The following CTNNA3 variants were observed in gnomAD, a reference collection of about 807,000 sequenced individuals.
CTNNA3 encodes the protein catenin alpha 3.
Under a neutral mutation model 95.7 loss-of-function variants are expected in CTNNA3, and 76 were observed. The observed-to-expected ratio is 0.79, with a 90% confidence interval of 0.66 to 0.96. The LOEUF is 0.96. Among genes scored for constraint, CTNNA3 ranks in the 40% least tolerant of loss-of-function variants. The pLI is 0.00. For missense variants in CTNNA3, 1,191 were observed against 1,089.8 expected, an observed-to-expected ratio of 1.09 and a Z score of -1.31; for synonymous variants, 431 against 374.4, an observed-to-expected ratio of 1.15 and a Z score of -1.74.
chr10:66,515,361 T>C (rs1228573625), intron 11 of CTNNA3, among the ~76,000 whole-genome samples: 1 of 143,964 alleles, frequency 6.9e-6, no homozygotes, highest in Non-Finnish European at 1.6e-5. Context: ...ATATATATAG[T>C]ATTAGTATTG....
At chr10:66,491,603 A>G (rs1181336792) in intron 11 of CTNNA3, among the ~76,000 whole-genome samples, 6 of 152,268 alleles carry the variant, frequency 3.9e-5, no homozygotes, top group Admixed American at 6.5e-5. Context: ...TTTTTATTTC[A>G]GAATCCTTTT....
At chr10:66,486,790 CTCA>C (rs2131920050) in intron 11 of CTNNA3, among the ~76,000 whole-genome samples, 1 of 152,012 alleles carries the variant, frequency 6.6e-6, no homozygotes, top group South Asian at 2.1e-4. Context: ...GATACAACCA[CTCA>C]TCAACAGACG....
intron 7 of CTNNA3, among the ~76,000 whole-genome samples, chr10:66,806,797 T>C (rs1341745356): frequency 6.7e-6 from 1 of 148,974 alleles, no homozygotes; most frequent in African/African-American, 2.5e-5. Context: ...TGTGTGTGTG[T>C]ATACATATAT....
chr10:65,943,454 AAGT>A (rs912879337), intron 17 of CTNNA3, among the ~76,000 whole-genome samples: 1 of 152,202 alleles, frequency 6.6e-6, no homozygotes, highest in Non-Finnish European at 1.5e-5. Flanking sequence ...TCTCTAAAAG[AAGT>A]AATATTATTT....
chr10:67,343,042 T>TC (rs1842275371), intron 5 of CTNNA3, among the ~76,000 whole-genome samples: 1 of 152,188 alleles, frequency 6.6e-6, no homozygotes, highest in African/African-American at 2.4e-5. Context: ...AACCTCTGCC[T>TC]CCCACGTTCA....
At chr10:66,685,921 G>A (rs1313983982) in intron 9 of CTNNA3, among the ~76,000 whole-genome samples, 1 of 152,084 alleles carries the variant, frequency 6.6e-6, no homozygotes, top group Non-Finnish European at 1.5e-5. Flanking sequence ...ATTAGATATA[G>A]AGATGCACAA....
chr10:67,161,880 T>C (rs1028927780), intron 7 of CTNNA3, among the ~76,000 whole-genome samples: 1 of 152,102 alleles, frequency 6.6e-6, no homozygotes, highest in African/African-American at 2.4e-5. Flanking sequence ...AAAGTAGCTT[T>C]ATTAATATCC....
intron 12 of CTNNA3, among the ~76,000 whole-genome samples, chr10:66,345,532 G>C (rs1032429696): frequency 3.3e-5 from 5 of 151,816 alleles, no homozygotes; most frequent in African/African-American, 1.2e-4. Context: ...CTAGATAGAG[G>C]GTTTTATTTT....
chr10:67,309,145 T>C (rs16924359), intron 5 of CTNNA3, among the ~76,000 whole-genome samples: 6,454 of 152,258 alleles, frequency 0.042, 192 homozygotes, highest in South Asian at 0.1. Flanking sequence ...TGCAACATGA[T>C]TAATGCACTC....
chr10:67,348,467 T>C (rs542140551), intron 5 of CTNNA3, among the ~76,000 whole-genome samples: 76 of 152,146 alleles, frequency 5.0e-4, no homozygotes, highest in Non-Finnish European at 1.0e-3. Context: ...AAGAGGCTTA[T>C]TTTGGCCCAC....
intron 1 of CTNNA3, among the ~76,000 whole-genome samples, chr10:67,758,085 C>T (rs1299552246): frequency 6.6e-6 from 1 of 152,026 alleles, no homozygotes; most frequent in African/African-American, 2.4e-5. Flanking sequence ...CAAATTTTTT[C>T]TCTCTTTTAT....
intron 13 of CTNNA3, among the ~76,000 whole-genome samples, chr10:66,124,273 G>A (rs2133826245): frequency 6.6e-6 from 1 of 152,254 alleles, no homozygotes; most frequent in Non-Finnish European, 1.5e-5. Context: ...GGGGCAAAAT[G>A]CTGCCAGTCT....
intron 12 of CTNNA3, among the ~76,000 whole-genome samples, chr10:66,360,617 T>C (rs967504199): frequency 2.6e-4 from 6 of 23,242 alleles, no homozygotes; most frequent in Non-Finnish European, 3.2e-4. Flanking sequence ...CTTTCTTTCT[T>C]TCTTTCTTTC....
At chr10:66,298,082 G>T (rs113392823) in intron 12 of CTNNA3, among the ~76,000 whole-genome samples, 1 of 152,132 alleles carries the variant, frequency 6.6e-6, no homozygotes, top group Non-Finnish European at 1.5e-5. Flanking sequence ...CATTGTTTGT[G>T]TATGTGCAAC....
At chr10:67,730,494 G>T (rs1354265243) in intron 1 of CTNNA3, among the ~76,000 whole-genome samples, 3 of 152,068 alleles carry the variant, frequency 2.0e-5, no homozygotes, top group African/African-American at 7.2e-5. Flanking sequence ...TGGGGTACAC[G>T]CTTCTCTAAA....
intron 12 of CTNNA3, among the ~76,000 whole-genome samples, chr10:66,286,108 G>A (rs2091584034): frequency 1.3e-5 from 2 of 151,768 alleles, no homozygotes; most frequent in Admixed American, 1.3e-4. Flanking sequence ...CATTTTTAGG[G>A]AATATACATA....
At chr10:67,450,700 T>C (rs923478552) in intron 5 of CTNNA3, among the ~76,000 whole-genome samples, 1 of 152,016 alleles carries the variant, frequency 6.6e-6, no homozygotes, top group Admixed American at 6.6e-5. Context: ...AATACCTGGG[T>C]GATGACATAG....
intron 9 of CTNNA3, among the ~76,000 whole-genome samples, chr10:66,713,374 T>C (rs548951159): frequency 9.7e-4 from 148 of 152,262 alleles, no homozygotes; most frequent in African/African-American, 3.1e-3. Context: ...CTCTTTTATA[T>C]GACAGTATTT....
Position 67,463,993 on chromosome 10 carries a change from C to T in CTNNA3, c.579+57849G>A, listed in dbSNP as rs546860271. On this transcript the variant is annotated intron_variant, in intron 5 of 17. Coordinates refer to ENST00000433211, the MANE Select transcript of CTNNA3 (RefSeq NM_013266.4). Reference sequence around the variant, plus strand: ...AATTATGCTCCTACGAATGCTCTAACCCCAGTTCATCACCATCAGATGAAT... The same window carrying T: ...AATTATGCTCCTACGAATGCTCTAATCCCAGTTCATCACCATCAGATGAAT... 2.0e-5 allele frequency among the ~76,000 whole-genome samples: 3 copies of T among 152,270 alleles called. No homozygotes were observed. In the East Asian group the frequency reaches 5.8e-4, roughly 29 times the overall value.
Sources: allele counts gnomAD v4.1 joint callset (sites outside exome capture counted in the v4.1 genomes callset), GRCh38; gene constraint gnomAD v4.1.1; transcripts MANE v1.5; gene names NCBI Gene and HGNC (gene_info 2026-07-23, HGNC 2026-07-21).